Variants in LPP observed in about 807,000 individuals in gnomAD.
The protein encoded by LPP is LIM domain containing preferred translocation partner in lipoma, also known as lipoma-preferred partner.
A neutral mutation model predicts 60.4 loss-of-function variants in LPP; 38 were observed. The observed-to-expected ratio is 0.63, with a 90% CI of 0.49 to 0.83. LPP has a LOEUF of 0.83. Ranked by LOEUF, LPP falls within the 40% of genes least tolerant of loss-of-function variation. The pLI is 0.00. For synonymous variants in LPP, 328 were observed against 290.8 expected, an observed-to-expected ratio of 1.13 and a Z score of -1.30; for missense variants, 902 against 783.6, an observed-to-expected ratio of 1.15 and a Z score of -1.80.
chr3:188,366,302 G>A (rs943269471), intron 3 of LPP, among the ~76,000 whole-genome samples: 77 of 152,130 alleles, frequency 5.1e-4, no homozygotes, highest in African/African-American at 1.8e-3. Flanking sequence ...CATTTAGATC[G>A]ATTCCACATC....
intron 9 of LPP, among the ~76,000 whole-genome samples, chr3:188,852,935 C>T (rs534369563): frequency 6.6e-6 from 1 of 152,016 alleles, no homozygotes; most frequent in Admixed American, 6.6e-5. Flanking sequence ...CTGAGGTCAG[C>T]AGTTCGATAC....
At chr3:188,781,748 C>T (rs540277976) in intron 9 of LPP, among the ~76,000 whole-genome samples, 43 of 151,768 alleles carry the variant, frequency 2.8e-4, no homozygotes, top group Non-Finnish European at 5.0e-4. Context: ...AAAAATTAGC[C>T]GGACATGGTG....
chr3:188,671,632 C>G (rs893766638), intron 7 of LPP, among the ~76,000 whole-genome samples: 1 of 152,170 alleles, frequency 6.6e-6, no homozygotes, highest in African/African-American at 2.4e-5. Context: ...TTCTGATAAT[C>G]AAGGGGCAGT....
chr3:188,343,096 G>T (rs1408259350), intron 3 of LPP, among the ~76,000 whole-genome samples: 1 of 152,060 alleles, frequency 6.6e-6, no homozygotes, highest in East Asian at 1.9e-4. Context: ...TGCCATGGTG[G>T]TTGCTGCACC....
intron 6 of LPP, among the ~76,000 whole-genome samples, chr3:188,525,870 C>A (rs1293273094): frequency 6.6e-6 from 1 of 152,108 alleles, no homozygotes; most frequent in Non-Finnish European, 1.5e-5. Context: ...GTTAGTTTTT[C>A]TTTGCTTTTT....
intron 7 of LPP, among the ~76,000 whole-genome samples, chr3:188,676,075 A>C (rs1858002451): frequency 6.6e-6 from 1 of 152,204 alleles, no homozygotes; most frequent in South Asian, 2.1e-4. Flanking sequence ...GGTCTGTAAT[A>C]GATAAAAAGA....
chr3:188,552,955 CACA>C (rs1254889664), intron 6 of LPP, among the ~76,000 whole-genome samples: 1 of 152,096 alleles, frequency 6.6e-6, no homozygotes, highest in Non-Finnish European at 1.5e-5. Flanking sequence ...TAGATAAGTT[CACA>C]ACGTTAATGC....
At chr3:188,555,500 G>C (rs374491182) in intron 6 of LPP, among the ~76,000 whole-genome samples, 5 of 152,212 alleles carry the variant, frequency 3.3e-5, no homozygotes, top group Non-Finnish European at 5.9e-5. Flanking sequence ...GAGGGGATAA[G>C]AAGTAGTGGG....
intron 5 of LPP, among the ~76,000 whole-genome samples, chr3:188,495,078 A>ATTT (rs1172494426): frequency 9.9e-6 from 1 of 100,664 alleles, no homozygotes; most frequent in African/African-American, 6.1e-5. Context: ...ATATATATAT[A>ATTT]TATATTTTAT....
intron 2 of LPP, among the ~76,000 whole-genome samples, chr3:188,300,221 G>A (rs914031510): frequency 4.6e-5 from 7 of 151,540 alleles, no homozygotes; most frequent in Admixed American, 2.6e-4. Context: ...CTTTTTTTGT[G>A]TGTGTTTGTG....
At chr3:188,641,463 G>C (rs1049753264) in intron 7 of LPP, among the ~76,000 whole-genome samples, 1 of 152,132 alleles carries the variant, frequency 6.6e-6, no homozygotes, top group African/African-American at 2.4e-5. Flanking sequence ...ATCAGTAAGA[G>C]AGGCAAGCAC....
At chr3:188,836,869 C>G (rs1758580471) in intron 9 of LPP, among the ~76,000 whole-genome samples, 2 of 152,148 alleles carry the variant, frequency 1.3e-5, no homozygotes, top group East Asian at 1.9e-4. Context: ...GTTCATGTGG[C>G]ATAAGATTCT....
chr3:188,282,026 G>A (rs1010968363), intron 2 of LPP, among the ~76,000 whole-genome samples: 1 of 150,980 alleles, frequency 6.6e-6, no homozygotes, highest in Admixed American at 6.6e-5. Context: ...CCCTTTTTTT[G>A]TGTCTTTCTA....
At chr3:188,705,386 G>A (rs971882803) in intron 7 of LPP, among the ~76,000 whole-genome samples, 4 of 151,998 alleles carry the variant, frequency 2.6e-5, no homozygotes, top group Admixed American at 6.6e-5. Flanking sequence ...TCTTTTGCTG[G>A]TTAGTTTACC....
intron 6 of LPP, among the ~76,000 whole-genome samples, chr3:188,528,151 T>A (rs984074895): frequency 3.9e-5 from 6 of 152,062 alleles, no homozygotes; most frequent in African/African-American, 1.4e-4. Flanking sequence ...GCCTTCCAGG[T>A]CATTTAGCCA....
intron 2 of LPP, among the ~76,000 whole-genome samples, chr3:188,270,497 C>T (rs1043013065): frequency 6.6e-6 from 1 of 152,174 alleles, no homozygotes; most frequent in African/African-American, 2.4e-5. Flanking sequence ...ATGGATTCAT[C>T]GGTTTTCCAG....
At chr3:188,666,928 G>T (rs1475604726) in intron 7 of LPP, among the ~76,000 whole-genome samples, 1 of 152,156 alleles carries the variant, frequency 6.6e-6, no homozygotes, top group Non-Finnish European at 1.5e-5. Flanking sequence ...CCACTATATA[G>T]TGGATATATA....
chr3:188,181,827 ATTC>A (rs1416242012), intron 1 of LPP, among the ~76,000 whole-genome samples: 9 of 152,282 alleles, frequency 5.9e-5, no homozygotes, highest in African/African-American at 2.2e-4. Flanking sequence ...GGCTCAATCA[ATTC>A]TTCTGCCTCA....
intron 2 of LPP, among the ~76,000 whole-genome samples, chr3:188,258,522 T>C: frequency 6.6e-6 from 1 of 152,232 alleles, no homozygotes. Context: ...GGTTTCACTA[T>C]GTTGCCTAGG....
Sources: gnomAD v4.1 joint callset for allele counts (sites outside exome capture counted in the v4.1 genomes callset) on GRCh38, gnomAD v4.1.1 for gene constraint, MANE v1.5 for transcripts, NCBI Gene and HGNC (gene_info 2026-07-23, HGNC 2026-07-21) for gene names.